The following EXD1 variants were observed in gnomAD, a reference collection of about 807,000 sequenced individuals.
The protein encoded by EXD1 is exonuclease 3'-5' domain containing 1.
EXD1 carries 63 observed loss-of-function variants against 49.1 expected under a neutral mutation model. The ratio of observed to expected loss-of-function variants is 1.28; its 90% confidence interval spans 1.05 to 1.58. The LOEUF (loss-of-function observed/expected upper bound fraction) is 1.58, where lower values mean the gene tolerates loss of function less well. Among genes scored for constraint, EXD1 ranks in the 40% most tolerant of loss-of-function variants. The probability of loss-of-function intolerance (pLI) is 0.00; values close to 1 mark genes in which losing one functional copy is unlikely to be tolerated. For synonymous variants in EXD1, 234 were observed against 239.2 expected (o/e 0.98, Z 0.20); for missense variants, 748 against 666.0 (o/e 1.12, Z -1.36).
intron 2 of EXD1, among the ~76,000 whole-genome samples, chr15:41,225,171 T>G (rs1042041653): frequency 6.6e-6 from 1 of 152,248 alleles, no homozygotes; most frequent in Non-Finnish European, 1.5e-5. Flanking sequence ...GTTCTTCAGC[T>G]GCCTACCTCT....
chr15:41,221,519 C>A (rs1342618575), intron 2 of EXD1, among the ~76,000 whole-genome samples: 1 of 151,934 alleles, frequency 6.6e-6, no homozygotes, highest in East Asian at 1.9e-4. Context: ...AGCCATCCTT[C>A]CACCTCAGCC....
At chr15:41,189,827 C>T in intron 11 of EXD1, 110 bp downstream of exon 11, 1 of 1,075,746 alleles carries the variant, frequency 9.3e-7, no homozygotes, top group Non-Finnish European at 1.4e-6. Context: ...AGTATTTATC[C>T]CCAAGTTGAC....
chr15:41,208,259 A>T, intron 7 of EXD1, among the ~76,000 whole-genome samples: 1 of 149,806 alleles, frequency 6.7e-6, no homozygotes. Flanking sequence ...GGCTAGCTGC[A>T]GTGGCTCATG....
intron 1 of EXD1, among the ~76,000 whole-genome samples, chr15:41,229,566 C>T (rs2047207804): frequency 6.6e-6 from 1 of 152,036 alleles, no homozygotes; most frequent in South Asian, 2.1e-4. Flanking sequence ...ATACGGAGTT[C>T]GAGACCAGCC....
chr15:41,217,201 C>A, intron 3 of EXD1, 47 bp from the exon 4 acceptor site: 1 of 1,481,220 alleles, frequency 6.8e-7, no homozygotes, highest in Non-Finnish European at 9.4e-7. Flanking sequence ...AATCAGAAAT[C>A]AATTAACTAC....
chr15:41,203,879 T>C (rs1466385177), intron 7 of EXD1, among the ~76,000 whole-genome samples: 2 of 119,752 alleles, frequency 1.7e-5, no homozygotes, highest in African/African-American at 6.9e-5. Flanking sequence ...ATCGTGCCAT[T>C]GCACTCCAGC....
Position 41,226,461 on chromosome 15 carries a change from T to C in EXD1, c.115A>G (p.Ile39Val). Reference sequence around the variant, plus strand: ...ACAAGACCTTTCTTCAGGACAACAATCTTATTAGGGTCAACATGCTGAAGC... The same window carrying C: ...ACAAGACCTTTCTTCAGGACAACAACCTTATTAGGGTCAACATGCTGAAGC... Reference protein sequence around the residue: ...GVLQHVDPNKIVVLKKVKNVE... With the variant: ...GVLQHVDPNKVVVLKKVKNVE... Residue 39 changes from isoleucine (I) to valine (V), a missense_variant, in exon 2 of 12, where the codon ATT becomes GTT. Coordinates refer to ENST00000458580, the MANE Select transcript of EXD1 (RefSeq NM_001286441.2). The C allele has an allele frequency of 6.5e-7, 1 of 1,535,948 alleles. No individual in the cohort carries two copies.
At chr15:41,223,010 GCA>G (rs1296313139) in intron 2 of EXD1, among the ~76,000 whole-genome samples, 1 of 150,270 alleles carries the variant, frequency 6.7e-6, no homozygotes, top group Admixed American at 6.6e-5. Flanking sequence ...GAGTGCAGGA[GCA>G]CAATCATAGC....
rs769143182 is a variant in EXD1, at chr15:41,191,583, T to C, written c.723A>G (p.Val241=). 3 of 1,613,610 alleles carry C rather than the reference T, an allele frequency of 1.9e-6. No homozygotes were observed. The Admixed American group carries it at 5.0e-5, about 27-fold the overall frequency. Residue 241 remains valine, a splice_region_variant and synonymous_variant, in exon 10 of 12, where the codon GTA becomes GTG. Coordinates refer to ENST00000458580, the MANE Select transcript of EXD1 (RefSeq NM_001286441.2). The stretch of plus-strand genomic sequence containing the variant: ...CCATGGAAAACTGAAGTACATCTGC[T>C]ACCTGTGGTATTTTAAAAAGACAAA... ...ILLNNVFDTQ[V]ADVLQFSMET...
chr15:41,225,185 C>T (rs1209059886), intron 2 of EXD1, among the ~76,000 whole-genome samples: 1 of 152,170 alleles, frequency 6.6e-6, no homozygotes, highest in Non-Finnish European at 1.5e-5. Context: ...TACCTCTTTA[C>T]TTTTTGTAAG....
chr15:41,224,972 A>G (rs2047139414), intron 2 of EXD1, among the ~76,000 whole-genome samples: 1 of 151,978 alleles, frequency 6.6e-6, no homozygotes, highest in Non-Finnish European at 1.5e-5. Flanking sequence ...TGTCTTAAAA[A>G]AAAAAGGATA....
Position 41,191,552 on chromosome 15 carries a change from C to A in EXD1, c.754G>T (p.Gly252Cys). Residue 252 changes from glycine (G) to cysteine (C), a missense_variant, in exon 10 of 12, where the codon GGT (glycine) becomes TGT (cysteine). By Grantham distance (159) the Gly-to-Cys change is radical. Transcript: ENST00000458580. The stretch of plus-strand genomic sequence containing the variant: ...GTGATGCAGTTTGGAAGATAGCCAC[C>A]CGTTTCCATGGAAAACTGAAGTACA... ...ADVLQFSMET[G>C]GYLPNCITTL... is the part of the protein sequence containing the mutation. The A allele has an allele frequency of 6.2e-7, 1 of 1,613,994 alleles. No homozygotes were observed. Among genetic ancestry groups the A allele is most frequent in the South Asian group, 1.1e-5 (1 of 91,070 alleles).
At chr15:41,210,748 A>C (rs1230354021) in intron 6 of EXD1, among the ~76,000 whole-genome samples, 1 of 152,154 alleles carries the variant, frequency 6.6e-6, no homozygotes, top group Non-Finnish European at 1.5e-5. Flanking sequence ...ACCCTATTTC[A>C]TTATACAATT....
Position 41,190,084 on chromosome 15 carries a change from T to G in EXD1, c.909A>C (p.Leu303Phe). 5.6e-6 allele frequency: 9 copies of G among 1,614,042 alleles called. No homozygotes were observed. Among genetic ancestry groups the G allele is most frequent in the Non-Finnish European group, 7.6e-6 (9 of 1,180,004 alleles). Residue 303 changes from leucine (L) to phenylalanine (F), a missense_variant, in exon 11 of 12, where the codon TTA (leucine) becomes TTC (phenylalanine). Leu to Phe is a conservative substitution (Grantham distance 22, BLOSUM62 0). Transcript: ENST00000458580. ...TAGCTTCCAGGGCCAAAATTTTCAGTAAAGAGGGTGAAACAGGTCGGATGA... is the reference window on the plus strand; with the variant it reads ...TAGCTTCCAGGGCCAAAATTTTCAGGAAAGAGGGTGAAACAGGTCGGATGA... The part of the protein sequence containing the change: ...VWFIRPVSPS[L>F]LKILALEATY...
rs933793066 is a variant in EXD1, at chr15:41,219,721, C to T, written c.202+109G>A. ...ACAGAAGCAGTAAGAAGGATCAATT[C>T]TCAAATACCAACTTTAAGAATCCAT... On this transcript the variant is annotated intron_variant, in intron 3 of 11. Coordinates refer to ENST00000458580, the MANE Select transcript of EXD1 (RefSeq NM_001286441.2). The T allele has an allele frequency of 5.1e-5, 45 of 874,162 alleles. 1 individual carries two copies. The South Asian group carries it at 7.5e-4, about 15-fold the overall frequency. 54.2% of individuals were successfully genotyped at this position (874,162 alleles called of 1,614,324 possible). A position where few individuals can be genotyped will look rare whatever the true frequency, so the allele number is the denominator to read the frequency against.
rs896704578 is a variant in EXD1, at chr15:41,216,868, C to T, written c.261-73G>A. ...GACACCAAAAACAGATTTTGCCACA[C>T]ATTAACGTTAAGGACAGTGGTCCTT... On this transcript the variant is annotated intron_variant, in intron 4 of 11. Transcript: ENST00000458580. 2.6e-5 allele frequency: 42 copies of T among 1,587,622 alleles called. No individual in the cohort carries two copies. In the African/African-American group the frequency reaches 4.7e-4, roughly 18 times the overall value.
chr15:41,207,464 C>T (rs971127059), intron 7 of EXD1, among the ~76,000 whole-genome samples: 1 of 151,826 alleles, frequency 6.6e-6, no homozygotes, highest in Non-Finnish European at 1.5e-5. Context: ...TTCTTGAACC[C>T]GGGAGGTGGA....
At chr15:41,212,302 A>T (rs1179399474) in intron 6 of EXD1, among the ~76,000 whole-genome samples, 3 of 151,976 alleles carry the variant, frequency 2.0e-5, no homozygotes, top group African/African-American at 7.3e-5. Context: ...GTAAAAAAAA[A>T]AAATAAGCCG....
rs764040231 is a variant in EXD1 at position 41,226,498 on chromosome 15, GAC to G, written c.76_77del (p.Val26LeufsTer9). On this transcript the variant is annotated frameshift_variant, in exon 2 of 12. Coordinates refer to ENST00000458580, the MANE Select transcript of EXD1 (RefSeq NM_001286441.2). LOFTEE classifies it high-confidence loss of function. ...CAACATGCTGAAGCACACCCTCGAA[GAC>G]ACCACAGACCAATGTGAGTTTCACC... ...KRVKLTLVCG[V>X]FEGVLQHVDP... 6.5e-7 allele frequency: 1 copy of G among 1,536,040 alleles called. No individual in the cohort carries two copies. The highest frequency in any genetic ancestry group is 1.2e-5 in the South Asian group (1 of 84,064).
Sources: gnomAD v4.1 joint callset for allele counts (sites outside exome capture counted in the v4.1 genomes callset) on GRCh38, gnomAD v4.1.1 for gene constraint, MANE v1.5 for transcripts, NCBI Gene and HGNC (gene_info 2026-07-23, HGNC 2026-07-21) for gene names.